PLA2G6: variants seen among roughly 807,000 people sequenced by gnomAD.
PLA2G6 encodes 85/88 kDa calcium-independent phospholipase A2.
PLA2G6 carries 62 observed loss-of-function variants against 83.8 expected under a neutral mutation model. That is an observed-to-expected ratio of 0.74 (90% CI 0.60 to 0.91). The LOEUF is 0.91. Among genes scored for constraint, PLA2G6 ranks in the 40% least tolerant of loss-of-function variants. The pLI is 0.00. For synonymous variants in PLA2G6, 417 were observed against 449.8 expected, an observed-to-expected ratio of 0.93 and a Z score of 0.92; for missense variants, 944 against 1,102.0, an observed-to-expected ratio of 0.86 and a Z score of 2.03.
chr22:38,150,125 T>C (rs1235175864), intron 2 of PLA2G6: 2 of 150,944 alleles, frequency 1.3e-5, no homozygotes, highest in African/African-American at 2.4e-5. Flanking sequence ...TAGCACCTTG[T>C]AGGGGTTTTA....
At position 38,173,124 on chromosome 22, in the gene PLA2G6, C is replaced by T. The variant is rs570259549; in HGVS notation, c.-45-3653G>A. ...GGCCAGCAGGGAGAAAGTGCTCACA[C>T]GTGCTTCCTTCTGTCCCTGCCACCT... On this transcript the variant is annotated intron_variant, in intron 1 of 16. Transcript: ENST00000332509. Among the ~76,000 whole-genome samples the T allele has an allele frequency of 8.5e-5, 13 of 152,318 alleles. No individual in the cohort carries two copies. The South Asian group carries it at 2.5e-3, about 29-fold the overall frequency.
chr22:38,152,581 T>A (rs2089611377), intron 2 of PLA2G6, among the ~76,000 whole-genome samples: 1 of 151,294 alleles, frequency 6.6e-6, no homozygotes, highest in Admixed American at 6.6e-5. Flanking sequence ...CATGTGACAC[T>A]GGTAAGATGC....
At chr22:38,178,580 C>T (rs2090725427) in intron 1 of PLA2G6, among the ~76,000 whole-genome samples, 1 of 151,574 alleles carries the variant, frequency 6.6e-6, no homozygotes, top group Non-Finnish European at 1.5e-5. Context: ...TAAAACAAAA[C>T]AAGGCCGGGC....
At chr22:38,141,775 A>AC (rs1332100118) in intron 4 of PLA2G6, 2 of 151,396 alleles carry the variant, frequency 1.3e-5, no homozygotes, top group African/African-American at 4.9e-5. Context: ...GGGTGTGCAC[A>AC]CCCCCGCATG....
chr22:38,162,331 G>A (rs1289539380), intron 2 of PLA2G6, among the ~76,000 whole-genome samples: 3 of 152,088 alleles, frequency 2.0e-5, no homozygotes, highest in East Asian at 3.9e-4. Context: ...CCAGGATGAC[G>A]AAGAGAGAGA....
At chr22:38,152,257 C>T (rs1164319560) in intron 2 of PLA2G6, among the ~76,000 whole-genome samples, 1 of 151,692 alleles carries the variant, frequency 6.6e-6, no homozygotes, top group Non-Finnish European at 1.5e-5. Flanking sequence ...GCTCTTGTCG[C>T]CCAGGTGATC....
In PLA2G6 at chr22:38,161,542, G is replaced by A. The variant is rs906833254; in HGVS notation, c.209+7676C>T. Among the ~76,000 whole-genome samples the A allele has an allele frequency of 2.0e-5, 3 of 152,084 alleles. No homozygotes were observed. The South Asian group carries it at 6.2e-4, about 32-fold the overall frequency. Reference sequence around the variant, plus strand: ...AGCAAAAAATATATAGTAGAAAAGGGGAAAGTGTTATGTAGGAAAGAGGGG... The same window carrying A: ...AGCAAAAAATATATAGTAGAAAAGGAGAAAGTGTTATGTAGGAAAGAGGGG... On this transcript the variant is annotated intron_variant, in intron 2 of 16. Coordinates refer to ENST00000332509, the MANE Select transcript of PLA2G6 (RefSeq NM_003560.4).
At chr22:38,141,514 G>C (rs1377846266) in intron 4 of PLA2G6, 1 of 152,336 alleles carries the variant, frequency 6.6e-6, no homozygotes, top group Non-Finnish European at 1.5e-5. Context: ...AGCAGGAAGA[G>C]CAAAGGGCTG....
Position 38,123,113 on chromosome 22 carries a change from C to T in PLA2G6, c.1573G>A (p.Ala525Thr), listed in dbSNP as rs587784334. 41 of 1,549,300 alleles carry T rather than the reference C, an allele frequency of 2.6e-5. 2 individuals are homozygous for T. The South Asian group carries it at 4.5e-4, about 17-fold the overall frequency. ...VAGTSTGGIL[A>T]LAILHSKSMA... is the part of the protein sequence containing the mutation. The stretch of plus-strand genomic sequence containing the variant: ...CCCTCACTGTGCAGAATGGCCAGGG[C>T]CAGGATGCCTCCAGTGCTGGTGCCC... The change falls in exon 11 of 17, where the codon GCC becomes ACC. Residue 525 changes from alanine (A) to threonine (T), a missense_variant. Ala to Thr is a moderately conservative substitution (Grantham distance 58). Coordinates refer to ENST00000332509, the MANE Select transcript of PLA2G6 (RefSeq NM_003560.4). This position sits in a 1 kb window ranked among gnomAD's most constrained non-coding sequence, Gnocchi z 4.1.
chr22:38,161,767 CT>C, intron 2 of PLA2G6, among the ~76,000 whole-genome samples: 1 of 152,046 alleles, frequency 6.6e-6, no homozygotes, highest in Non-Finnish European at 1.5e-5. Flanking sequence ...GGGCTATCAG[CT>C]GAGAGTAAGC....
At chr22:38,172,458 C>A (rs133007) in intron 1 of PLA2G6, among the ~76,000 whole-genome samples, 16,657 of 152,244 alleles carry the variant, frequency 0.11, 1,074 homozygotes, top group African/African-American at 0.16. Context: ...GAAAACAAAC[C>A]AAGATAGACT....
At chr22:38,127,899 G>T (rs773396690) in intron 9 of PLA2G6, among the ~76,000 whole-genome samples, 8 of 152,226 alleles carry the variant, frequency 5.3e-5, no homozygotes, top group Non-Finnish European at 8.8e-5. Flanking sequence ...CAGAGGGACA[G>T]GTGAAGCCAG....
Position 38,112,527 on chromosome 22 carries a change from C to T in PLA2G6, c.2253G>A (p.Glu751=), listed in dbSNP as rs544263173. The change falls in exon 16 of 17, where the codon GAG becomes GAA. Residue 751 remains glutamate (E), a synonymous_variant. Transcript: ENST00000332509. ...RAVDRARAWC[E]MVGIQYFRLN... is the part of the protein sequence containing the mutation. Reference sequence around the variant, plus strand: ...ACCTGAAGTACTGGATGCCGACCATCTCGCACCAGGCCCGTGCCCGGTCCA... The same window carrying T: ...ACCTGAAGTACTGGATGCCGACCATTTCGCACCAGGCCCGTGCCCGGTCCA... 1 of 1,556,180 alleles carries T rather than the reference C, an allele frequency of 6.4e-7. No homozygotes were observed. The highest frequency in any genetic ancestry group is 2.4e-5 in the East Asian group (1 of 41,118).
intron 3 of PLA2G6, chr22:38,144,999 T>A: frequency 2.8e-6 from 1 of 358,984 alleles, no homozygotes; most frequent in Non-Finnish European, 5.4e-6. Context: ...TACATTGTCC[T>A]TCTTACATTT....
intron 2 of PLA2G6, among the ~76,000 whole-genome samples, chr22:38,164,019 C>T (rs1338239479): frequency 6.6e-6 from 1 of 152,140 alleles, no homozygotes; most frequent in Non-Finnish European, 1.5e-5. Context: ...CTGGGAGGTA[C>T]AGCCCTGTTT....
At chr22:38,131,324 A>AT (rs1335994647) in intron 7 of PLA2G6, 5 of 152,098 alleles carry the variant, frequency 3.3e-5, no homozygotes, top group African/African-American at 4.8e-5. Context: ...CTGGCCAGTT[A>AT]TTTTTTAAGT....
At chr22:38,158,754 T>TC (rs2089894072) in intron 2 of PLA2G6, among the ~76,000 whole-genome samples, 1 of 152,186 alleles carries the variant, frequency 6.6e-6, no homozygotes, top group South Asian at 2.1e-4. Flanking sequence ...GGACAACTGT[T>TC]TTATATATGT....
In PLA2G6 at chr22:38,128,049, C is replaced by T; in HGVS notation, c.1348+220G>A. 1 of 588,198 alleles carries T rather than the reference C, an allele frequency of 1.7e-6. No individual in the cohort carries two copies. Among genetic ancestry groups the T allele is most frequent in the Non-Finnish European group, 3.0e-6 (1 of 329,278 alleles). The allele number at this position is 588,198 out of a possible 1,614,324, so 36.4% of individuals were successfully genotyped here. Reference sequence around the variant, plus strand: ...CCTGAGACTGTGTGCAGGACACATCCTCTCAGGGGCAACGGAGCATGGGAC... The same window carrying T: ...CCTGAGACTGTGTGCAGGACACATCTTCTCAGGGGCAACGGAGCATGGGAC... On this transcript the variant is annotated intron_variant, in intron 9 of 16. Transcript: ENST00000332509. The surrounding 1 kb of genome is among the most constrained non-coding windows in gnomAD (Gnocchi z 4.4).
intron 3 of PLA2G6, 28 bp from the exon 4 acceptor site, chr22:38,143,316 G>T: frequency 6.2e-7 from 1 of 1,604,654 alleles, no homozygotes; most frequent in South Asian, 1.1e-5. Flanking sequence ...GGTGAGCAGA[G>T]GTGAGCAGGT....
Sources: allele counts gnomAD v4.1 joint callset (sites outside exome capture counted in the v4.1 genomes callset), GRCh38; gene constraint gnomAD v4.1.1; non-coding constraint Gnocchi (gnomAD v3.1); transcripts MANE v1.5; gene names NCBI Gene and HGNC (gene_info 2026-07-23, HGNC 2026-07-21).